Variants in CDKAL1 observed in about 807,000 individuals in gnomAD.
CDKAL1 encodes threonylcarbamoyladenosine tRNA methylthiotransferase.
CDKAL1 carries 32 observed loss-of-function variants against 68.2 expected under a neutral mutation model. The ratio of observed to expected loss-of-function variants is 0.47; its 90% confidence interval spans 0.35 to 0.63. The LOEUF (loss-of-function observed/expected upper bound fraction) is 0.63. CDKAL1 is among the 30% of genes least tolerant of loss of function. CDKAL1 has a pLI of 0.00. For synonymous variants in CDKAL1, 234 were observed against 244.3 expected, an observed-to-expected ratio of 0.96 and a Z score of 0.39; for missense variants, 606 against 696.7, an observed-to-expected ratio of 0.87 and a Z score of 1.47.
At chr6:21,005,279 A>G (rs1767662997) in intron 11 of CDKAL1, among the ~76,000 whole-genome samples, 1 of 152,220 alleles carries the variant, frequency 6.6e-6, no homozygotes, top group East Asian at 1.9e-4. Flanking sequence ...CCCAACATAA[A>G]CCATGCATTA....
At chr6:20,844,848 A>G (rs919087521) in intron 8 of CDKAL1, among the ~76,000 whole-genome samples, 1 of 152,190 alleles carries the variant, frequency 6.6e-6, no homozygotes, top group East Asian at 1.9e-4. Flanking sequence ...CAGAATATGT[A>G]AAGAGAAGAC....
intron 7 of CDKAL1, among the ~76,000 whole-genome samples, chr6:20,774,025 C>T (rs1002179028): frequency 9.2e-5 from 14 of 151,970 alleles, no homozygotes; most frequent in Admixed American, 4.6e-4. Flanking sequence ...CAAATTTGTG[C>T]AAGGTGAGAC....
rs150708830 is a variant in CDKAL1, at chr6:21,106,338, G to A, written c.1237-2063G>A. ...TGTGTAGTGGAAAAAGTAAATTTCC[G>A]AACAATATATAGTCTTCCTTCCATA... On this transcript the variant is annotated intron_variant, in intron 12 of 15. Transcript: ENST00000274695. Among the ~76,000 whole-genome samples, 414 of 152,284 alleles carry A rather than the reference G, an allele frequency of 2.7e-3. 2 individuals carry two copies. The highest frequency in any genetic ancestry group is 9.2e-3 in the African/African-American group (384 of 41,552).
intron 4 of CDKAL1, among the ~76,000 whole-genome samples, chr6:20,631,516 CAGTA>C: frequency 6.6e-6 from 1 of 152,160 alleles, no homozygotes; most frequent in African/African-American, 2.4e-5. Flanking sequence ...TCTAGTCAGT[CAGTA>C]AGTTCTTTTA....
intron 9 of CDKAL1, among the ~76,000 whole-genome samples, chr6:20,895,983 A>G (rs1205501590): frequency 1.3e-5 from 2 of 152,136 alleles, no homozygotes; most frequent in African/African-American, 4.8e-5. Context: ...GAATATGTAA[A>G]ACAAACATAT....
chr6:21,047,430 A>G (rs962857500), intron 11 of CDKAL1, among the ~76,000 whole-genome samples: 2 of 152,216 alleles, frequency 1.3e-5, no homozygotes, highest in Non-Finnish European at 2.9e-5. Flanking sequence ...ACGTAAAGGA[A>G]AATATTGAAA....
chr6:20,844,320 C>T (rs1778289896), intron 8 of CDKAL1, among the ~76,000 whole-genome samples: 1 of 152,052 alleles, frequency 6.6e-6, no homozygotes, highest in Non-Finnish European at 1.5e-5. Flanking sequence ...AGATGATTTG[C>T]AGGTCTTTTT....
At chr6:20,655,130 C>A (rs1001559827) in intron 5 of CDKAL1, among the ~76,000 whole-genome samples, 1 of 152,112 alleles carries the variant, frequency 6.6e-6, no homozygotes, top group African/African-American at 2.4e-5. Flanking sequence ...TATTCCAGTG[C>A]GTTAAGAAAA....
chr6:20,936,241 A>ATT (rs33911838), intron 9 of CDKAL1, among the ~76,000 whole-genome samples: 696 of 68,842 alleles, frequency 0.01, 79 homozygotes, highest in Middle Eastern at 0.015. Flanking sequence ...GTGTCTCATA[A>ATT]TTTTTTTTTT....
At chr6:21,229,257 A>G (rs1779865915) in intron 15 of CDKAL1, among the ~76,000 whole-genome samples, 1 of 152,014 alleles carries the variant, frequency 6.6e-6, no homozygotes, top group Non-Finnish European at 1.5e-5. Context: ...CCCCATTCCT[A>G]TTCTTTGTGT....
intron 9 of CDKAL1, among the ~76,000 whole-genome samples, chr6:20,865,520 T>C (rs1363515820): frequency 6.6e-6 from 1 of 152,032 alleles, no homozygotes; most frequent in East Asian, 1.9e-4. Context: ...GGAACCTTAA[T>C]ATACTAAGAG....
chr6:20,749,705 G>C (rs1773830638), intron 6 of CDKAL1, among the ~76,000 whole-genome samples: 1 of 151,534 alleles, frequency 6.6e-6, no homozygotes, highest in Admixed American at 6.6e-5. Flanking sequence ...CCGCCACCAA[G>C]CCTGGCTATT....
At chr6:20,602,965 C>A (rs180675133) in intron 4 of CDKAL1, among the ~76,000 whole-genome samples, 1 of 152,212 alleles carries the variant, frequency 6.6e-6, no homozygotes, top group African/African-American at 2.4e-5. Flanking sequence ...GGACTCTAGT[C>A]CTGTCATACT....
chr6:20,734,807 A>G (rs1378250562), intron 5 of CDKAL1, among the ~76,000 whole-genome samples: 1 of 151,226 alleles, frequency 6.6e-6, no homozygotes, highest in African/African-American at 2.4e-5. Flanking sequence ...GGCTCAAGCT[A>G]TACACCTGCC....
At chr6:21,158,460 C>G (rs1193523725) in intron 13 of CDKAL1, among the ~76,000 whole-genome samples, 2 of 152,172 alleles carry the variant, frequency 1.3e-5, no homozygotes, top group Non-Finnish European at 2.9e-5. Context: ...TCCTGCTTTG[C>G]CAGGGGGTGG....
intron 4 of CDKAL1, among the ~76,000 whole-genome samples, chr6:20,619,631 TTGAC>T (rs1767087127): frequency 6.6e-6 from 1 of 152,212 alleles, no homozygotes; most frequent in African/African-American, 2.4e-5. Context: ...TATATCCAAT[TTGAC>T]TGGCAATTCT....
intron 13 of CDKAL1, among the ~76,000 whole-genome samples, chr6:21,145,109 G>A (rs1455375519): frequency 1.3e-5 from 2 of 152,114 alleles, no homozygotes; most frequent in Non-Finnish European, 1.5e-5. Context: ...GAGCTGGGTG[G>A]CATGGAGCTC....
chr6:21,230,756 G>A (rs1350430950), intron 15 of CDKAL1, 92 bp from the exon 16 acceptor site: 12 of 994,032 alleles, frequency 1.2e-5, no homozygotes, highest in South Asian at 6.9e-5. Context: ...CATAAAAGGC[G>A]GCACCTTCTG....
intron 11 of CDKAL1, among the ~76,000 whole-genome samples, chr6:21,039,962 TCCCATGAACAGCC>T (rs1769827620): frequency 6.6e-6 from 1 of 152,180 alleles, no homozygotes; most frequent in South Asian, 2.1e-4. Context: ...TTAAGTCAGT[TCCCATGAACAGCC>T]CCCTGGTGCA....
Sources: gnomAD v4.1 joint callset for allele counts (sites outside exome capture counted in the v4.1 genomes callset) on GRCh38, gnomAD v4.1.1 for gene constraint, MANE v1.5 for transcripts, NCBI Gene and HGNC (gene_info 2026-07-23, HGNC 2026-07-21) for gene names.